Variants in POU6F2 observed in about 807,000 individuals in gnomAD.
POU6F2 encodes POU class 6 homeobox 2, also known as POU domain, class 6, transcription factor 2.
POU6F2 carries 31 observed loss-of-function variants against 71.3 expected under a neutral mutation model. That is an observed-to-expected ratio of 0.43 (90% CI 0.33 to 0.59). The LOEUF (loss-of-function observed/expected upper bound fraction) is 0.59. POU6F2 is among the 20% of genes least tolerant of loss of function. The pLI is 0.04. For synonymous variants in POU6F2, 347 were observed against 355.7 expected (o/e 0.98, Z 0.27); for missense variants, 783 against 856.8 (o/e 0.91, Z 1.07).
At chr7:39,020,414 C>G (rs915709641) in intron 1 of POU6F2, among the ~76,000 whole-genome samples, 9 of 152,068 alleles carry the variant, frequency 5.9e-5, no homozygotes, top group African/African-American at 2.2e-4. Flanking sequence ...AAAGTTCATG[C>G]AGAAGTATTT....
At position 39,015,449 on chromosome 7, in the gene POU6F2, T is replaced by C. The variant is rs539732738; in HGVS notation, c.105+37391T>C. On this transcript the variant is annotated intron_variant, in intron 1 of 9. Transcript: ENST00000518318. ...ATTATATATAATATATAATCTAATA[T>C]ATATTATTATATATAGATATATTAT... Among the ~76,000 whole-genome samples, 471 of 125,312 alleles carry C rather than the reference T, an allele frequency of 3.8e-3. 2 individuals carry two copies. Among genetic ancestry groups the C allele is most frequent in the Middle Eastern group, 0.011 (1 of 92 alleles). 82.2% of individuals were successfully genotyped at this position (125,312 alleles called of 152,430 possible).
intron 2 of POU6F2, among the ~76,000 whole-genome samples, chr7:39,135,766 T>A (rs1792377240): frequency 6.6e-6 from 1 of 152,148 alleles, no homozygotes; most frequent in South Asian, 2.1e-4. Flanking sequence ...TATTTAGTAT[T>A]GTCTGAAAGT....
intron 4 of POU6F2, among the ~76,000 whole-genome samples, chr7:39,215,940 A>T (rs1297014291): frequency 1.3e-5 from 2 of 152,200 alleles, no homozygotes; most frequent in East Asian, 3.8e-4. Flanking sequence ...CACATCCTTC[A>T]CCTTCTAGGA....
chr7:39,366,773 C>A (rs1786510042), intron 5 of POU6F2, among the ~76,000 whole-genome samples: 1 of 152,098 alleles, frequency 6.6e-6, no homozygotes, highest in Admixed American at 6.5e-5. Flanking sequence ...TCCAGAGAGC[C>A]CAGAGGGAGG....
At chr7:39,254,896 G>A (rs1447402462) in intron 4 of POU6F2, among the ~76,000 whole-genome samples, 1 of 152,172 alleles carries the variant, frequency 6.6e-6, no homozygotes, top group African/African-American at 2.4e-5. Flanking sequence ...CACAACACAA[G>A]TGTTTCCAGA....
At chr7:39,306,952 C>T (rs561870779) in intron 4 of POU6F2, among the ~76,000 whole-genome samples, 1 of 152,248 alleles carries the variant, frequency 6.6e-6, no homozygotes, top group East Asian at 1.9e-4. Context: ...TGCAATCTTT[C>T]AGCTCTGAAT....
chr7:39,342,223 T>A (rs1785933843), intron 5 of POU6F2, among the ~76,000 whole-genome samples: 1 of 152,006 alleles, frequency 6.6e-6, no homozygotes, highest in Admixed American at 6.6e-5. Context: ...ATAAAAGGAC[T>A]TTTTTCCTTT....
At chr7:39,200,515 G>A (rs1793876453) in intron 2 of POU6F2, among the ~76,000 whole-genome samples, 1 of 152,070 alleles carries the variant, frequency 6.6e-6, no homozygotes, top group Non-Finnish European at 1.5e-5. Context: ...GGCTCTTCAG[G>A]ACCCAACTAT....
chr7:39,109,838 T>C (rs911376219), intron 2 of POU6F2, among the ~76,000 whole-genome samples: 7 of 152,190 alleles, frequency 4.6e-5, no homozygotes, highest in Non-Finnish European at 8.8e-5. Flanking sequence ...TCGAAGTAGC[T>C]CTTGAAAAAT....
chr7:39,127,336 T>G (rs1792160512), intron 2 of POU6F2, among the ~76,000 whole-genome samples: 1 of 152,196 alleles, frequency 6.6e-6, no homozygotes, highest in South Asian at 2.1e-4. Context: ...TTAGAAATGA[T>G]GAAGAGGATC....
intron 1 of POU6F2, among the ~76,000 whole-genome samples, chr7:39,045,818 TTTTAC>T (rs1258515920): frequency 6.6e-6 from 1 of 151,886 alleles, no homozygotes; most frequent in Non-Finnish European, 1.5e-5. Flanking sequence ...TTATTTTCCA[TTTTAC>T]TTTAATTTTA....
At chr7:39,039,874 G>T (rs571405115) in intron 1 of POU6F2, among the ~76,000 whole-genome samples, 3 of 149,286 alleles carry the variant, frequency 2.0e-5, no homozygotes, top group African/African-American at 7.4e-5. Flanking sequence ...AACTTGGTGT[G>T]ATATCGGATT....
intron 1 of POU6F2, among the ~76,000 whole-genome samples, chr7:39,027,432 G>C (rs1448405249): frequency 1.3e-5 from 2 of 152,072 alleles, no homozygotes; most frequent in Non-Finnish European, 2.9e-5. Flanking sequence ...TGCCCACAAG[G>C]GCTTTTAAAA....
chr7:39,002,158 G>C (rs902861603), intron 1 of POU6F2: 2 of 152,176 alleles, frequency 1.3e-5, no homozygotes, highest in Non-Finnish European at 2.9e-5. Flanking sequence ...TGTACACTTT[G>C]TGGCAAAGGA....
chr7:39,393,586 T>C (rs1006711028), intron 5 of POU6F2, among the ~76,000 whole-genome samples: 1 of 152,168 alleles, frequency 6.6e-6, no homozygotes, highest in Non-Finnish European at 1.5e-5. Flanking sequence ...GGGTAGATGT[T>C]CTAAGGTTCA....
At chr7:39,375,300 A>T (rs1033425911) in intron 5 of POU6F2, among the ~76,000 whole-genome samples, 1 of 152,224 alleles carries the variant, frequency 6.6e-6, no homozygotes, top group African/African-American at 2.4e-5. Context: ...ACCTTTTGTT[A>T]TCACAACAGA....
intron 1 of POU6F2, among the ~76,000 whole-genome samples, chr7:39,010,816 C>T (rs1789257256): frequency 6.7e-6 from 1 of 149,470 alleles, no homozygotes; most frequent in Non-Finnish European, 1.5e-5. Context: ...TGTTCAGTTT[C>T]CATGTAGTTG....
Position 39,204,319 on chromosome 7 carries a change from G to A in POU6F2, c.362G>A (p.Gly121Glu), listed in dbSNP as rs940346614. Residue 121 changes from glycine to glutamate, a missense_variant, in exon 3 of 10, where the codon GGG becomes GAG. Physicochemically the swap from Gly to Glu is moderately conservative, Grantham distance 98 (BLOSUM62 -2). Around this residue, in one of 2 missense-constraint regions of POU6F2, gnomAD observed 572 missense variants for 572.9 expected, o/e 1.00. Coordinates refer to ENST00000518318, the MANE Select transcript of POU6F2 (RefSeq NM_001370959.1). ...ASQTHPPFPV[G>E]PQPLLTAQQL... ...CAGACCCACCCCCCATTTCCAGTTG[G>A]GCCACAGGTCAGTATCTCTCAACTG... 12 of 1,612,690 alleles carry A rather than the reference G, an allele frequency of 7.4e-6. No individual in the cohort carries two copies. Among genetic ancestry groups the A allele is most frequent in the Non-Finnish European group, 1.0e-5 (12 of 1,179,124 alleles).
rs1302122328 is a variant in POU6F2, at chr7:39,059,487, C to T, written c.106-26373C>T. 3.4e-5 allele frequency among the ~76,000 whole-genome samples: 5 copies of T among 146,056 alleles called. No individual in the cohort carries two copies. The South Asian group carries it at 8.7e-4, about 25-fold the overall frequency. ...ACAACGAGATACCACTTCATACCCA[C>T]TAAGATGTCTGTAATTAAAAAAAAA... On this transcript the variant is annotated intron_variant, in intron 1 of 9. Coordinates refer to ENST00000518318, the MANE Select transcript of POU6F2 (RefSeq NM_001370959.1).
Sources: gnomAD v4.1 joint callset for allele counts (sites outside exome capture counted in the v4.1 genomes callset) on GRCh38, gnomAD v4.1.1 for gene constraint, gnomAD v4.1.1 regional missense constraint, MANE v1.5 for transcripts, NCBI Gene and HGNC (gene_info 2026-07-23, HGNC 2026-07-21) for gene names.